Variants in ATP13A4 observed in about 807,000 individuals in gnomAD.
ATP13A4 encodes the protein probable cation-transporting ATPase 13A4.
A neutral mutation model predicts 142.5 loss-of-function variants in ATP13A4; 114 were observed. The ratio of observed to expected loss-of-function variants is 0.80; its 90% CI spans 0.69 to 0.93. The LOEUF (loss-of-function observed/expected upper bound fraction) is 0.93, where lower values mean the gene tolerates loss of function less well. ATP13A4 is among the 40% of genes least tolerant of loss of function. The pLI, the probability that ATP13A4 is intolerant of heterozygous loss-of-function variation, is 0.00. For synonymous variants in ATP13A4, 488 were observed against 514.8 expected, an observed-to-expected ratio of 0.95 and a Z score of 0.70; for missense variants, 1,392 against 1,454.0, an observed-to-expected ratio of 0.96 and a Z score of 0.69.
chr3:193,533,065 T>A (rs888240496), intron 1 of ATP13A4, among the ~76,000 whole-genome samples: 1 of 152,152 alleles, frequency 6.6e-6, no homozygotes, highest in Non-Finnish European at 1.5e-5. Flanking sequence ...TTCAAAACTT[T>A]ATAAATAAAA....
intron 28 of ATP13A4, 51 bp downstream of exon 28, chr3:193,410,931 A>T: frequency 8.4e-7 from 1 of 1,192,244 alleles, no homozygotes; most frequent in South Asian, 1.3e-5. Flanking sequence ...TTTTAAAGTT[A>T]AACTGTTACA....
intron 8 of ATP13A4, among the ~76,000 whole-genome samples, chr3:193,479,552 C>T (rs149238984): frequency 9.9e-5 from 15 of 152,104 alleles, no homozygotes; most frequent in South Asian, 2.1e-4. Context: ...CTTAGAAATA[C>T]GCCTAAACAA....
chr3:193,470,498 T>C (rs889860260), intron 9 of ATP13A4, among the ~76,000 whole-genome samples: 8 of 152,228 alleles, frequency 5.3e-5, no homozygotes, highest in African/African-American at 1.2e-4. Context: ...TTTAAAAACA[T>C]GCTTTATTTA....
intron 29 of ATP13A4, chr3:193,404,195 G>A (rs763904855): frequency 2.1e-5 from 21 of 978,592 alleles, no homozygotes; most frequent in Non-Finnish European, 2.5e-5. Context: ...ATCGAGTAAA[G>A]GTTTTAAAAT....
chr3:193,536,485 AAG>A (rs1022925787), intron 1 of ATP13A4, among the ~76,000 whole-genome samples: 33 of 152,052 alleles, frequency 2.2e-4, no homozygotes, highest in Non-Finnish European at 4.4e-5. Context: ...ATATAAATAA[AAG>A]AGAATTCTTT....
At position 193,464,955 on chromosome 3, in the gene ATP13A4, A is replaced by G. The variant is rs373154775; in HGVS notation, c.1446T>C (p.Leu482=). The part of the protein sequence containing the change: ...QRINVCGQLN[L]VCFDKTGTLT... ...ACACACATACCTTGTCAAAGCAGAC[A>G]AGGTTTAACTGTCCACATACGTTGA... Residue 482 remains leucine (L), a synonymous_variant, in exon 12 of 30, where the codon CTT becomes CTC. Coordinates refer to ENST00000342695, the MANE Select transcript of ATP13A4 (RefSeq NM_032279.4). 1.2e-5 allele frequency: 19 copies of G among 1,613,958 alleles called. No individual in the cohort carries two copies. In the African/African-American group the frequency reaches 1.9e-4, roughly 16 times the overall value.
Position 193,525,435 on chromosome 3 carries a change from T to A in ATP13A4, c.61-10564A>T, listed in dbSNP as rs144096459. ...CATTTTATCCCCCAGTATTATTATTTCCCTTTATCCCTGGGTATCATTTGC... is the reference window on the plus strand; with the variant it reads ...CATTTTATCCCCCAGTATTATTATTACCCTTTATCCCTGGGTATCATTTGC... On this transcript the variant is annotated intron_variant, in intron 1 of 29. Transcript: ENST00000342695. 3.7e-4 allele frequency among the ~76,000 whole-genome samples: 57 copies of A among 152,326 alleles called. No homozygotes were observed. The East Asian group carries it at 0.01, about 28-fold the overall frequency.
At chr3:193,435,814 TTCAGC>T (rs1716235604) in intron 23 of ATP13A4, 70 bp from the exon 24 acceptor site, 2 of 1,357,580 alleles carry the variant, frequency 1.5e-6, no homozygotes, top group Non-Finnish European at 2.1e-6. Flanking sequence ...TTCTGTGCTG[TTCAGC>T]TAAGCTCAGG....
intron 1 of ATP13A4, among the ~76,000 whole-genome samples, chr3:193,536,313 G>T (rs1722589345): frequency 6.6e-6 from 1 of 151,846 alleles, no homozygotes; most frequent in Admixed American, 6.6e-5. Context: ...TTTAATTCAG[G>T]GATGCAAAAC....
chr3:193,532,570 G>T (rs1356434390), intron 1 of ATP13A4, among the ~76,000 whole-genome samples: 1 of 151,468 alleles, frequency 6.6e-6, no homozygotes, highest in Non-Finnish European at 1.5e-5. Flanking sequence ...AGTTACAAGG[G>T]CATTCTTGTA....
At chr3:193,549,063 A>T (rs1467271172) in intron 1 of ATP13A4, among the ~76,000 whole-genome samples, 1 of 152,226 alleles carries the variant, frequency 6.6e-6, no homozygotes, top group Non-Finnish European at 1.5e-5. Flanking sequence ...AGTTAAAAAG[A>T]CTGATAATTT....
intron 28 of ATP13A4, among the ~76,000 whole-genome samples, chr3:193,410,562 T>A (rs1714716587): frequency 1.3e-5 from 2 of 152,012 alleles, no homozygotes; most frequent in Admixed American, 6.6e-5. Flanking sequence ...AAATTTTTTT[T>A]TAAAAAATTA....
intron 25 of ATP13A4, among the ~76,000 whole-genome samples, chr3:193,421,983 T>C (rs1371249281): frequency 1.3e-5 from 2 of 149,780 alleles, no homozygotes; most frequent in African/African-American, 2.4e-5. Flanking sequence ...AATTCTCCAA[T>C]CAAAAGACAT....
At chr3:193,408,878 C>T (rs151308887) in intron 28 of ATP13A4, among the ~76,000 whole-genome samples, 199 of 152,268 alleles carry the variant, frequency 1.3e-3, no homozygotes, top group African/African-American at 4.6e-3. Context: ...ACCCCTACCC[C>T]GAGAATTTCC....
In ATP13A4 at chr3:193,514,855, C is replaced by T. The variant is rs141456857; in HGVS notation, c.77G>A (p.Arg26Gln). The change falls in exon 2 of 30, where the codon CGG (arginine) becomes CAG (glutamine). Residue 26 changes from arginine to glutamine, a missense_variant. Arg to Gln is a conservative substitution (Grantham distance 43). Transcript: ENST00000342695. ...GAGACTTTTCCGGCAGCCTTGAGTC[C>T]GATAGCCAAATATCTCCTGGGACAG... ...EENEMEIFGY[R>Q]TQGCRKSLCL... The T allele has an allele frequency of 5.3e-5, 85 of 1,614,004 alleles. 1 individual carries two copies. Among genetic ancestry groups the T allele is most frequent in the African/African-American group, 1.9e-4 (14 of 75,002 alleles).
intron 2 of ATP13A4, among the ~76,000 whole-genome samples, chr3:193,512,056 C>T (rs1389997066): frequency 6.6e-6 from 1 of 152,120 alleles, no homozygotes; most frequent in Non-Finnish European, 1.5e-5. Flanking sequence ...CCTCAGAGAG[C>T]ACGGCTCAGC....
chr3:193,474,486 T>A (rs1330400252), intron 8 of ATP13A4, among the ~76,000 whole-genome samples: 1 of 149,560 alleles, frequency 6.7e-6, no homozygotes, highest in Non-Finnish European at 1.5e-5. Context: ...CAGTGAGCTA[T>A]GACTGCACCA....
upstream of ATP13A4, chr3:193,555,213 T>C (rs1379124788): frequency 2.6e-5 from 8 of 308,744 alleles, no homozygotes; most frequent in Non-Finnish European, 3.2e-5. Flanking sequence ...GAGGAGCGGG[T>C]GCAAGAACTC....
At chr3:193,470,801 G>A (rs962849556) in intron 9 of ATP13A4, 58 bp downstream of exon 9, 1 of 1,611,614 alleles carries the variant, frequency 6.2e-7, no homozygotes, top group African/African-American at 1.3e-5. Context: ...AGGGACCATA[G>A]CAGCGTGGAG....
Sources: allele counts gnomAD v4.1 joint callset (sites outside exome capture counted in the v4.1 genomes callset), GRCh38; gene constraint gnomAD v4.1.1; transcripts MANE v1.5; gene names NCBI Gene and HGNC (gene_info 2026-07-23, HGNC 2026-07-21).